Variants in ZNF787 observed in about 807,000 individuals in gnomAD.
ZNF787 encodes the protein TTF-I-interacting peptide 20.
Under a neutral mutation model 16.9 loss-of-function variants are expected in ZNF787, and 7 were observed. The ratio of observed to expected loss-of-function variants is 0.42; its 90% CI spans 0.24 to 0.78. The LOEUF is 0.78. ZNF787 is among the 30% of genes least tolerant of loss of function. ZNF787 has a pLI of 0.30. For missense variants in ZNF787, 551 were observed against 589.3 expected (o/e 0.94, Z 0.67); for synonymous variants, 345 against 270.9 (o/e 1.27, Z -2.69).
intron 2 of ZNF787, among the ~76,000 whole-genome samples, chr19:56,100,377 A>T (rs1054055190): frequency 6.6e-6 from 1 of 152,002 alleles, no homozygotes; most frequent in Non-Finnish European, 1.5e-5. Flanking sequence ...GCCACTGCTC[A>T]CATGCAGGAT....
chr19:56,113,771 C>A (rs922378368), intron 1 of ZNF787, among the ~76,000 whole-genome samples: 1 of 152,160 alleles, frequency 6.6e-6, no homozygotes, highest in African/African-American at 2.4e-5. Context: ...GTTCTAAAAT[C>A]GACTGTGGTG....
chr19:56,111,958 T>G (rs917391914), intron 1 of ZNF787, among the ~76,000 whole-genome samples: 10 of 152,054 alleles, frequency 6.6e-5, no homozygotes, highest in African/African-American at 2.4e-4. Context: ...CTCACCAGGG[T>G]TAAGACGGGT....
At chr19:56,120,099 T>C (rs2030244952) in intron 1 of ZNF787, among the ~76,000 whole-genome samples, 1 of 152,190 alleles carries the variant, frequency 6.6e-6, no homozygotes. Context: ...CTGGTCACCT[T>C]GGATGGCGAC....
chr19:56,103,101 G>C (rs1291113511), intron 2 of ZNF787, 38 bp downstream of exon 2: 1 of 1,606,586 alleles, frequency 6.2e-7, no homozygotes, highest in Non-Finnish European at 8.5e-7. Flanking sequence ...TCAGGTGGGA[G>C]GCAGCGGGGT....
chr19:56,101,453 G>A (rs1986096184), intron 2 of ZNF787, among the ~76,000 whole-genome samples: 1 of 152,240 alleles, frequency 6.6e-6, no homozygotes. Flanking sequence ...TGGACAAGGG[G>A]ACCTGACACC....
At chr19:56,112,141 C>T (rs555604739) in intron 1 of ZNF787, among the ~76,000 whole-genome samples, 2 of 152,136 alleles carry the variant, frequency 1.3e-5, no homozygotes, top group Non-Finnish European at 2.9e-5. Flanking sequence ...GCACCAGGAG[C>T]TGCGGGGGCC....
intron 1 of ZNF787, among the ~76,000 whole-genome samples, chr19:56,109,840 C>G (rs984540504): frequency 6.6e-6 from 1 of 151,934 alleles, no homozygotes; most frequent in African/African-American, 2.4e-5. Context: ...GCCGAGATCA[C>G]GCCACTGCAC....
Position 56,088,822 on chromosome 19 carries a change from G to A in ZNF787, c.350C>T (p.Thr117Met). The A allele has an allele frequency of 6.2e-7, 1 of 1,611,458 alleles. No homozygotes were observed. Among genetic ancestry groups the A allele is most frequent in the Non-Finnish European group, 8.5e-7 (1 of 1,178,980 alleles). The change falls in exon 3 of 3, where the codon ACG becomes ATG. Residue 117 changes from threonine to methionine, a missense_variant. By Grantham distance (81) the Thr-to-Met change is moderately conservative. Transcript: ENST00000610935. The surrounding 1 kb of genome is among the most constrained non-coding windows in gnomAD (Gnocchi z 8.6). ...SHLVQHRRIH[T>M]GEKPYACLEC... ...CAAGCAGGCGTAGGGCTTCTCGCCCGTGTGGATGCGCCGGTGCTGCACCAG... is the reference window on the plus strand; with the variant it reads ...CAAGCAGGCGTAGGGCTTCTCGCCCATGTGGATGCGCCGGTGCTGCACCAG...
At chr19:56,108,665 G>A (rs1203001231) in intron 1 of ZNF787, among the ~76,000 whole-genome samples, 3 of 152,118 alleles carry the variant, frequency 2.0e-5, no homozygotes, top group African/African-American at 7.2e-5. Flanking sequence ...ACAGCTGGGT[G>A]AGCACACAAA....
rs113109617 is a variant in ZNF787 at position 56,111,731 on chromosome 19, G to A, written c.-10-8504C>T. Among the ~76,000 whole-genome samples the A allele has an allele frequency of 2.3e-3, 345 of 152,184 alleles. 1 individual carries two copies. The highest frequency in any genetic ancestry group is 7.0e-3 in the African/African-American group (290 of 41,498). On this transcript the variant is annotated intron_variant, in intron 1 of 2. Coordinates refer to ENST00000610935, the MANE Select transcript of ZNF787 (RefSeq NM_001002836.4). ...AACTTCCTCTCCGAGAAGAGGGAGGGGCCGACACCTACCAGGGAGATGTGA... is the reference window on the plus strand; with the variant it reads ...AACTTCCTCTCCGAGAAGAGGGAGGAGCCGACACCTACCAGGGAGATGTGA...
chr19:56,091,980 A>C (rs1413450502), intron 2 of ZNF787, among the ~76,000 whole-genome samples: 1 of 150,798 alleles, frequency 6.6e-6, no homozygotes, highest in Admixed American at 6.7e-5. Context: ...CCAAAGCCGA[A>C]GGCGAAACCG....
chr19:56,113,379 G>A (rs762386629), intron 1 of ZNF787, among the ~76,000 whole-genome samples: 7 of 152,192 alleles, frequency 4.6e-5, no homozygotes, highest in Non-Finnish European at 5.9e-5. Flanking sequence ...GTATAGACCC[G>A]AGAGAAAACA....
chr19:56,116,972 A>G (rs2030154530), intron 1 of ZNF787, among the ~76,000 whole-genome samples: 1 of 152,138 alleles, frequency 6.6e-6, no homozygotes, highest in African/African-American at 2.4e-5. Context: ...CCTGGGCCCC[A>G]CAATCAGTGG....
chr19:56,097,788 A>C (rs1985926411), intron 2 of ZNF787, among the ~76,000 whole-genome samples: 1 of 152,116 alleles, frequency 6.6e-6, no homozygotes, highest in Non-Finnish European at 1.5e-5. Flanking sequence ...GGACAAAGCC[A>C]CCTGGCCCAG....
Position 56,088,373 on chromosome 19 carries a change from C to A in ZNF787, c.799G>T (p.Ala267Ser). Residue 267 changes from alanine (A) to serine (S), a missense_variant, in exon 3 of 3, where the codon GCG (alanine) becomes TCG (serine). This residue lies in a region of ZNF787 where 392 missense variants were observed against 312.7 expected (regional missense o/e 1.25). Coordinates refer to ENST00000610935, the MANE Select transcript of ZNF787 (RefSeq NM_001002836.4). This position sits in a 1 kb window ranked among gnomAD's most constrained non-coding sequence, Gnocchi z 8.6. ...AAMAGAGAKA[A>S]GPRSRRAPAP... The stretch of plus-strand genomic sequence containing the variant: ...GGGGCGCGCCGCGACCGGGGCCCCG[C>A]GGCCTTTGCCCCCGCGCCCGCCATG... The A allele has an allele frequency of 9.0e-7, 1 of 1,114,586 alleles. No individual in the cohort carries two copies. The highest frequency in any genetic ancestry group is 5.1e-5 in the Admixed American group (1 of 19,604). 69.0% of individuals were successfully genotyped at this position (1,114,586 alleles called of 1,614,324 possible).
intron 2 of ZNF787, among the ~76,000 whole-genome samples, chr19:56,099,692 CAG>C (rs1986014484): frequency 8.5e-6 from 1 of 117,082 alleles, no homozygotes; most frequent in South Asian, 3.0e-4. Context: ...GCCTGGGAGA[CAG>C]AGTGAGGCTC....
intron 1 of ZNF787, among the ~76,000 whole-genome samples, chr19:56,108,160 G>C (rs986933275): frequency 1.3e-5 from 2 of 152,000 alleles, no homozygotes; most frequent in African/African-American, 2.4e-5. Flanking sequence ...CTCAGCTCCA[G>C]AAGCGGGAGG....
intron 1 of ZNF787, among the ~76,000 whole-genome samples, chr19:56,106,941 G>A (rs1490543073): frequency 1.3e-5 from 2 of 152,224 alleles, no homozygotes; most frequent in Non-Finnish European, 2.9e-5. Context: ...CCACTATCCA[G>A]GTACAGAACG....
intron 1 of ZNF787, among the ~76,000 whole-genome samples, chr19:56,119,850 G>A (rs1410065060): frequency 6.6e-6 from 1 of 152,256 alleles, no homozygotes; most frequent in Non-Finnish European, 1.5e-5. Flanking sequence ...TTTAGCCAAA[G>A]AGGCTTACGG....
Sources: gnomAD v4.1 joint callset for allele counts (sites outside exome capture counted in the v4.1 genomes callset) on GRCh38, gnomAD v4.1.1 for gene constraint, gnomAD v4.1.1 regional missense constraint, Gnocchi (gnomAD v3.1) non-coding constraint, MANE v1.5 for transcripts, NCBI Gene and HGNC (gene_info 2026-07-23, HGNC 2026-07-21) for gene names.